The following CNTN4 variants were observed in gnomAD, a reference collection of about 807,000 sequenced individuals.
CNTN4 encodes contactin 4, also known as contactin-4.
A neutral mutation model predicts 122.5 loss-of-function variants in CNTN4; 77 were observed. That is an observed-to-expected ratio of 0.63 (90% CI 0.52 to 0.76). CNTN4 has a LOEUF of 0.76. CNTN4 is among the 30% of genes least tolerant of loss of function. The pLI is 0.00. For missense variants in CNTN4, 1,256 were observed against 1,259.1 expected, an observed-to-expected ratio of 1.00 and a Z score of 0.04; for synonymous variants, 512 against 447.0, an observed-to-expected ratio of 1.15 and a Z score of -1.83.
intron 4 of CNTN4, among the ~76,000 whole-genome samples, chr3:2,688,769 G>C (rs73005940): frequency 0.09 from 13,773 of 152,208 alleles, 1,602 homozygotes; most frequent in African/African-American, 0.27. Context: ...AGCTCCCTAC[G>C]TGGGTCTTTG....
intron 6 of CNTN4, among the ~76,000 whole-genome samples, chr3:2,808,389 A>G (rs2092520244): frequency 1.3e-5 from 2 of 152,306 alleles, no homozygotes; most frequent in South Asian, 2.1e-4. Flanking sequence ...GAAGATTGGT[A>G]CAATGAATTA....
Position 2,391,335 on chromosome 3 carries a change from G to A in CNTN4, c.-89+52102G>A, listed in dbSNP as rs546236889. On this transcript the variant is annotated intron_variant, in intron 3 of 24. Coordinates refer to ENST00000418658, the MANE Select transcript of CNTN4 (RefSeq NM_175607.3). The stretch of plus-strand genomic sequence containing the variant: ...CATCCTGTTCTCTGATTAAATCCAC[G>A]CAAGCCCCTTTTATGACTATTTTTA... Among the ~76,000 whole-genome samples, 11 of 152,234 alleles carry A rather than the reference G, an allele frequency of 7.2e-5. No homozygotes were observed. In the South Asian group the frequency reaches 2.1e-3, roughly 29 times the overall value.
chr3:2,690,547 T>C (rs2085678607), intron 4 of CNTN4, among the ~76,000 whole-genome samples: 1 of 152,158 alleles, frequency 6.6e-6, no homozygotes, highest in African/African-American at 2.4e-5. Flanking sequence ...GAGGTTGCTG[T>C]TGCTGCCTTT....
chr3:2,584,497 A>G (rs2080089523), intron 4 of CNTN4, among the ~76,000 whole-genome samples: 1 of 152,044 alleles, frequency 6.6e-6, no homozygotes, highest in African/African-American at 2.4e-5. Flanking sequence ...TGAGGCCAGG[A>G]GATCGAGAAC....
intron 2 of CNTN4, among the ~76,000 whole-genome samples, chr3:2,230,613 C>T (rs538401211): frequency 2.1e-4 from 32 of 152,204 alleles, no homozygotes; most frequent in Non-Finnish European, 3.5e-4. Flanking sequence ...AAAGCACCCA[C>T]GGGTACATAC....
At position 2,385,341 on chromosome 3, in the gene CNTN4, C is replaced by G. The variant is rs977483911; in HGVS notation, c.-89+46108C>G. Among the ~76,000 whole-genome samples, 3 of 151,954 alleles carry G rather than the reference C, an allele frequency of 2.0e-5. No individual in the cohort carries two copies. Among genetic ancestry groups the G allele is most frequent in the Non-Finnish European group, 4.4e-5 (3 of 68,024 alleles). On this transcript the variant is annotated intron_variant, in intron 3 of 24. Coordinates refer to ENST00000418658, the MANE Select transcript of CNTN4 (RefSeq NM_175607.3). This position sits in a 1 kb window ranked among gnomAD's most constrained non-coding sequence, Gnocchi z 4.0. The stretch of plus-strand genomic sequence containing the variant: ...CCTGTTTATAGTTTTGTTTATATTA[C>G]TCTTGTTGCACTGAATAACCTATTA...
At chr3:2,719,630 G>A (rs1228336688) in intron 4 of CNTN4, among the ~76,000 whole-genome samples, 3 of 152,114 alleles carry the variant, frequency 2.0e-5, no homozygotes, top group Non-Finnish European at 2.9e-5. Flanking sequence ...CACCATGTTG[G>A]CCAGGCTGGT....
intron 3 of CNTN4, among the ~76,000 whole-genome samples, chr3:2,394,381 C>T (rs1166930911): frequency 6.6e-6 from 1 of 152,114 alleles, no homozygotes; most frequent in East Asian, 1.9e-4. Context: ...TGGAAAATCT[C>T]CTTTTGATCT....
intron 4 of CNTN4, among the ~76,000 whole-genome samples, chr3:2,680,905 C>G (rs2085129579): frequency 6.6e-6 from 1 of 152,104 alleles, no homozygotes; most frequent in South Asian, 2.1e-4. Flanking sequence ...TGTATGTTTT[C>G]TGTTTTCTAG....
chr3:3,043,637 C>T lies in CNTN4; in HGVS notation c.2744C>T (p.Ser915Phe). 6.2e-7 allele frequency: 1 copy of T among 1,614,070 alleles called. No homozygotes were observed. Among genetic ancestry groups the T allele is most frequent in the Non-Finnish European group, 8.5e-7 (1 of 1,179,954 alleles). ...PGNIIWNSSDSKIILNWDQVK... is the reference protein window; with the variant it reads ...PGNIIWNSSDFKIILNWDQVK... ...AACATCATATGGAATTCATCAGACT[C>T]CAAAATTATCCTGAATTGGGATCAA... Residue 915 changes from serine (S) to phenylalanine (F), a missense_variant, in exon 23 of 25, where the codon TCC (serine) becomes TTC (phenylalanine). Transcript: ENST00000418658.
chr3:2,583,601 T>C (rs34270763), intron 4 of CNTN4, among the ~76,000 whole-genome samples: 15,770 of 152,276 alleles, frequency 0.1, 1,093 homozygotes, highest in Non-Finnish European at 0.15. Context: ...TGAATGCCCA[T>C]GCAGTTTTTG....
chr3:2,486,675 C>T (rs1050686271), intron 3 of CNTN4, among the ~76,000 whole-genome samples: 1 of 152,000 alleles, frequency 6.6e-6, no homozygotes, highest in Non-Finnish European at 1.5e-5. Flanking sequence ...GTCAGAATAC[C>T]AGCTTGGCTG....
chr3:3,019,801 CAT>C (rs1435700501), intron 14 of CNTN4, among the ~76,000 whole-genome samples: 2 of 104,450 alleles, frequency 1.9e-5, no homozygotes, highest in Non-Finnish European at 3.8e-5. Context: ...TATATATACA[CAT>C]GCATATATAT....
At chr3:2,196,222 C>T (rs1232365909) in intron 2 of CNTN4, among the ~76,000 whole-genome samples, 1 of 152,070 alleles carries the variant, frequency 6.6e-6, no homozygotes, top group Non-Finnish European at 1.5e-5. Context: ...TTGGAAAGGA[C>T]TGATATGAGG....
chr3:2,521,092 G>C (rs1219733287), intron 3 of CNTN4, among the ~76,000 whole-genome samples: 1 of 152,042 alleles, frequency 6.6e-6, no homozygotes, highest in Non-Finnish European at 1.5e-5. Flanking sequence ...TTCTTGCTCT[G>C]TTGGCTGTTT....
intron 23 of CNTN4, among the ~76,000 whole-genome samples, chr3:3,046,819 A>G (rs1318947549): frequency 1.4e-5 from 2 of 139,120 alleles, no homozygotes; most frequent in African/African-American, 5.5e-5. Context: ...CTCCAATTAA[A>G]AGACACAGAT....
intron 3 of CNTN4, among the ~76,000 whole-genome samples, chr3:2,436,148 T>C (rs1364934363): frequency 3.9e-5 from 6 of 152,286 alleles, no homozygotes; most frequent in Non-Finnish European, 1.5e-5. Flanking sequence ...GCTGAATGTT[T>C]CAACAATTAT....
intron 12 of CNTN4, among the ~76,000 whole-genome samples, chr3:2,916,967 T>C (rs1162143915): frequency 7.5e-6 from 1 of 134,034 alleles, no homozygotes; most frequent in Non-Finnish European, 1.6e-5. Flanking sequence ...GAGGTGGAGG[T>C]TGCAGCGAGC....
chr3:2,888,972 A>G (rs537511225), intron 10 of CNTN4, among the ~76,000 whole-genome samples: 12 of 151,594 alleles, frequency 7.9e-5, no homozygotes, highest in African/African-American at 2.9e-4. Context: ...AATGGCCACC[A>G]GGCAGACTAA....
Sources: gnomAD v4.1 joint callset for allele counts (sites outside exome capture counted in the v4.1 genomes callset) on GRCh38, gnomAD v4.1.1 for gene constraint, Gnocchi (gnomAD v3.1) non-coding constraint, MANE v1.5 for transcripts, NCBI Gene and HGNC (gene_info 2026-07-23, HGNC 2026-07-21) for gene names.